C12orf42: variants seen among roughly 807,000 people sequenced by gnomAD.
The protein encoded by C12orf42 is chromosome 12 open reading frame 42.
Under a neutral mutation model 21.6 loss-of-function variants are expected in C12orf42, and 25 were observed. That is an observed-to-expected ratio of 1.16 (90% CI 0.84 to 1.62). The LOEUF is 1.62. C12orf42 is among the 40% of genes most tolerant of loss of function. The probability of loss-of-function intolerance (pLI) is 0.00; values close to 1 mark genes in which losing one functional copy is unlikely to be tolerated. For missense variants in C12orf42, 483 were observed against 459.3 expected, an observed-to-expected ratio of 1.05 and a Z score of -0.47; for synonymous variants, 174 against 175.0, an observed-to-expected ratio of 0.99 and a Z score of 0.05.
intron 4 of C12orf42, among the ~76,000 whole-genome samples, chr12:103,365,898 C>T (rs746802083): frequency 8.6e-5 from 13 of 151,786 alleles, no homozygotes; most frequent in African/African-American, 1.7e-4. Flanking sequence ...ATGACCATAC[C>T]GCCAAAAGCA....
At chr12:103,414,656 A>G (rs1175899474) in intron 2 of C12orf42, among the ~76,000 whole-genome samples, 2 of 152,082 alleles carry the variant, frequency 1.3e-5, no homozygotes, top group South Asian at 2.1e-4. Context: ...CTTTGTGGCT[A>G]TTGTAAGTAG....
chr12:103,526,211 T>G, the C12orf42 span, among the ~76,000 whole-genome samples: 1 of 152,204 alleles, frequency 6.6e-6, no homozygotes, highest in Non-Finnish European at 1.5e-5. Flanking sequence ...GTAATAAAAT[T>G]ACCACATTAA....
In C12orf42 at chr12:103,314,899, C is replaced by T. The variant is rs923141745; in HGVS notation, c.260-8554G>A. ...TAGAATCTTTCCCCTCCATCCATACCTTATCATCACACCAACAGGGCTTCA... is the reference window on the plus strand; with the variant it reads ...TAGAATCTTTCCCCTCCATCCATACTTTATCATCACACCAACAGGGCTTCA... On this transcript the variant is annotated intron_variant, in intron 4 of 5. Transcript: ENST00000548883. Among the ~76,000 whole-genome samples the T allele has an allele frequency of 3.3e-5, 5 of 152,078 alleles. No individual in the cohort carries two copies. The South Asian group carries it at 1.0e-3, about 32-fold the overall frequency.
intron 4 of C12orf42, among the ~76,000 whole-genome samples, chr12:103,347,248 C>T (rs914747862): frequency 2.0e-5 from 3 of 151,616 alleles, no homozygotes; most frequent in African/African-American, 7.3e-5. Context: ...TGTTCCCCTC[C>T]CTGTGTCCAT....
chr12:103,268,089 G>T (rs1027801994), downstream of C12orf42: 1 of 151,948 alleles, frequency 6.6e-6, no homozygotes, highest in Non-Finnish European at 1.5e-5. Context: ...AGTGATTATA[G>T]AATTGGAAGT....
At chr12:103,222,774 G>A in the C12orf42 span, among the ~76,000 whole-genome samples, 1 of 151,538 alleles carries the variant, frequency 6.6e-6, no homozygotes. Flanking sequence ...TCCTATCTCT[G>A]TATGGATGGA....
Position 103,432,835 on chromosome 12 carries a change from A to G in C12orf42, c.79-31160T>C, listed in dbSNP as rs1950366925. Among the ~76,000 whole-genome samples the G allele has an allele frequency of 2.0e-5, 3 of 152,318 alleles. No homozygotes were observed. In the South Asian group the frequency reaches 6.2e-4, roughly 32 times the overall value. On this transcript the variant is annotated intron_variant, in intron 2 of 5. Coordinates refer to ENST00000548883, the MANE Select transcript of C12orf42 (RefSeq NM_198521.5). ...AAGAAGGTGGCCATCAGCAAGACAG[A>G]GGCCTCAGAAGGAATCAAACCTGCC...
chr12:103,412,996 C>A (rs376083490), intron 2 of C12orf42, among the ~76,000 whole-genome samples: 6 of 152,086 alleles, frequency 3.9e-5, no homozygotes, highest in African/African-American at 1.4e-4. Context: ...TGTTTTGTTG[C>A]AATTGCTTTT....
the C12orf42 span, among the ~76,000 whole-genome samples, chr12:103,125,791 T>C: frequency 1.3e-5 from 2 of 152,056 alleles, no homozygotes; most frequent in Non-Finnish European, 2.9e-5. Flanking sequence ...GAAATAAAGG[T>C]GAGGAGACTA....
chr12:103,359,449 G>A (rs531563338), intron 4 of C12orf42, among the ~76,000 whole-genome samples: 2 of 152,178 alleles, frequency 1.3e-5, no homozygotes, highest in South Asian at 2.1e-4. Context: ...ACAAACTGTA[G>A]TGAATTCATA....
the C12orf42 span, chr12:103,168,101 T>C: frequency 1.5e-5 from 7 of 455,786 alleles, no homozygotes; most frequent in African/African-American, 8.0e-5. Context: ...TTCACCACAA[T>C]GGAAGTCTTT....
chr12:103,145,855 G>GA, the C12orf42 span, among the ~76,000 whole-genome samples: 19 of 151,394 alleles, frequency 1.3e-4, no homozygotes, highest in Admixed American at 4.6e-4. Flanking sequence ...TTGTTGAACA[G>GA]AAAAAAAACA....
intron 10 of C12orf42, among the ~76,000 whole-genome samples, chr12:103,243,566 T>G (rs961516171): frequency 1.3e-5 from 2 of 152,132 alleles, no homozygotes; most frequent in Admixed American, 6.6e-5. Context: ...TCTTTTGCAT[T>G]TTCCTGAAAG....
chr12:103,556,666 C>A, the C12orf42 span, among the ~76,000 whole-genome samples: 1 of 152,128 alleles, frequency 6.6e-6, no homozygotes, highest in Non-Finnish European at 1.5e-5. Context: ...AACTAACAAT[C>A]TTCACAGGTT....
chr12:103,156,306 C>G, the C12orf42 span: 1 of 151,894 alleles, frequency 6.6e-6, no homozygotes, highest in Non-Finnish European at 1.5e-5. Context: ...TGTTATAAGT[C>G]AAGATGGTGG....
the C12orf42 span, among the ~76,000 whole-genome samples, chr12:103,147,460 C>T: frequency 4.0e-5 from 6 of 149,972 alleles, no homozygotes; most frequent in South Asian, 2.1e-4. Flanking sequence ...GGCTGTGACA[C>T]AGAGGTTAAT....
chr12:103,479,231 A>G (rs1459166842), intron 1 of C12orf42, among the ~76,000 whole-genome samples: 2 of 152,130 alleles, frequency 1.3e-5, no homozygotes, highest in Admixed American at 6.6e-5. Flanking sequence ...TAAGTCTCCA[A>G]TATTCTTTGT....
intron 4 of C12orf42, among the ~76,000 whole-genome samples, chr12:103,331,662 T>C (rs2041248628): frequency 6.6e-6 from 1 of 152,322 alleles, no homozygotes; most frequent in Admixed American, 6.5e-5. Context: ...CAGAGGTAAC[T>C]GTGTCTTGAA....
intron 4 of C12orf42, among the ~76,000 whole-genome samples, chr12:103,342,548 T>C (rs2042253750): frequency 1.3e-5 from 2 of 152,076 alleles, no homozygotes; most frequent in Admixed American, 6.5e-5. Context: ...GGAAGAAGTT[T>C]AAGCAAAGTT....
Sources: allele counts gnomAD v4.1 joint callset (sites outside exome capture counted in the v4.1 genomes callset), GRCh38; gene constraint gnomAD v4.1.1; transcripts MANE v1.5; gene names NCBI Gene and HGNC (gene_info 2026-07-23, HGNC 2026-07-21).